Variants in OTUD3 observed in about 807,000 individuals in gnomAD.
OTUD3 encodes the protein OTU domain-containing protein 3.
OTUD3 carries 24 observed loss-of-function variants against 46.2 expected under a neutral mutation model. That is an observed-to-expected ratio of 0.52 (90% CI 0.38 to 0.73). The LOEUF is 0.73. OTUD3 is among the 30% of genes least tolerant of loss of function. The pLI, the probability that OTUD3 is intolerant of heterozygous loss-of-function variation, is 0.00. For missense variants in OTUD3, 455 were observed against 523.3 expected (o/e 0.87, Z 1.27); for synonymous variants, 189 against 195.4 (o/e 0.97, Z 0.27).
In OTUD3 at chr1:19,911,385, TAAA is replaced by T. The variant is rs1424121193; in HGVS notation, c.*3640_*3642del. Reference sequence around the variant, plus strand: ...AAGTTATGTTTTCCTGGCTCTAAAGTAAATTTTTTTTTTTTTTTTTTTGAGACA... The same window carrying T: ...AAGTTATGTTTTCCTGGCTCTAAAGTTTTTTTTTTTTTTTTTTTTGAGACA... On this transcript the variant is annotated 3_prime_UTR_variant, in exon 8 of 8. Transcript: ENST00000375120. The T allele has an allele frequency of 7.3e-6, 1 of 137,110 alleles. No individual in the cohort carries two copies. The highest frequency in any genetic ancestry group is 1.6e-5 in the Non-Finnish European group (1 of 64,154). 8.5% of individuals were successfully genotyped at this position (137,110 alleles called of 1,614,324 possible).
chr1:19,909,915 A>G lies in OTUD3; in HGVS notation c.*2169A>G, dbSNP rs1321359218. 1 of 152,342 alleles carries G rather than the reference A, an allele frequency of 6.6e-6. No homozygotes were observed. The highest frequency in any genetic ancestry group is 2.4e-5 in the African/African-American group (1 of 41,454). 9.4% of individuals were successfully genotyped at this position (152,342 alleles called of 1,614,324 possible). A position where few individuals can be genotyped will look rare whatever the true frequency, so the allele number is the denominator to read the frequency against. ...AAAAACTAATCAAACGGCTTTAGTA[A>G]TTTTACTACTGGTTTCACAGCTTTT... On this transcript the variant is annotated 3_prime_UTR_variant, in exon 8 of 8. Coordinates refer to ENST00000375120, the MANE Select transcript of OTUD3 (RefSeq NM_015207.2).
At chr1:19,899,469 C>T (rs997117614) in intron 4 of OTUD3, among the ~76,000 whole-genome samples, 3 of 152,202 alleles carry the variant, frequency 2.0e-5, no homozygotes, top group Non-Finnish European at 4.4e-5. Flanking sequence ...TTTTTAAAGG[C>T]TGCGTAGTGT....
chr1:19,891,811 G>A (rs1401942792), intron 2 of OTUD3, among the ~76,000 whole-genome samples: 2 of 152,188 alleles, frequency 1.3e-5, no homozygotes, highest in East Asian at 3.8e-4. Context: ...CTTCCAATGG[G>A]TGGTTTGTAC....
chr1:19,882,572 C>T lies in OTUD3; in HGVS notation c.59C>T (p.Ala20Val). 1 of 1,392,298 alleles carries T rather than the reference C, an allele frequency of 7.2e-7. No homozygotes were observed. The allele number at this position is 1,392,298 out of a possible 1,614,324, so 86.2% of individuals were successfully genotyped here. A position where few individuals can be genotyped will look rare whatever the true frequency, so the allele number is the denominator to read the frequency against. The change falls in exon 1 of 8, where the codon GCC becomes GTC. Residue 20 changes from alanine to valine, a missense_variant. Physicochemically the swap from Ala to Val is moderately conservative, Grantham distance 64 (BLOSUM62 0). Transcript: ENST00000375120. ...GGCAGCGGCAGCCGGAAAGCCGAGG[C>T]CGAGCGCAAGCGGGACGAGCGGGCG... Reference protein sequence around the residue: ...RPGSGSRKAEAERKRDERAAR... With the variant: ...RPGSGSRKAEVERKRDERAAR...
Position 19,912,092 on chromosome 1 carries a change from A to G in OTUD3, c.*4346A>G, listed in dbSNP as rs2045740558. ...CCAGTGTAAAGAATCTATTTCTGTA[A>G]AACTACGAACTTTTGCATAGGGAAT... On this transcript the variant is annotated 3_prime_UTR_variant, in exon 8 of 8. Coordinates refer to ENST00000375120, the MANE Select transcript of OTUD3 (RefSeq NM_015207.2). The G allele has an allele frequency of 6.6e-6, 1 of 152,364 alleles. No individual in the cohort carries two copies. The highest frequency in any genetic ancestry group is 6.5e-5 in the Admixed American group (1 of 15,284). The allele number at this position is 152,364 out of a possible 1,614,324, so 9.4% of individuals were successfully genotyped here.
chr1:19,897,194 C>T (rs1212313770), intron 3 of OTUD3, among the ~76,000 whole-genome samples: 1 of 152,116 alleles, frequency 6.6e-6, no homozygotes, highest in Non-Finnish European at 1.5e-5. Flanking sequence ...TCTGGATCTG[C>T]CCCTGGGCCT....
intron 4 of OTUD3, among the ~76,000 whole-genome samples, chr1:19,901,441 TTGTC>T (rs1362872377): frequency 6.6e-6 from 1 of 152,186 alleles, no homozygotes; most frequent in Admixed American, 6.5e-5. Context: ...TGGTTATCAT[TTGTC>T]TGTGAGAGCT....
At chr1:19,906,368 A>G in intron 6 of OTUD3, 64 bp from the exon 7 acceptor site, 1 of 1,469,690 alleles carries the variant, frequency 6.8e-7, no homozygotes. Context: ...GGAATCATTA[A>G]TACAGTCATC....
chr1:19,897,603 TACGACAGTGTTCGGAGGATCAATGA>T lies in OTUD3; in HGVS notation c.548_572del (p.Tyr183SerfsTer38), dbSNP rs2045534339. 1 of 1,614,060 alleles carries T rather than the reference TACGACAGTGTTCGGAGGATCAATGA, an allele frequency of 6.2e-7. No homozygotes were observed. Among genetic ancestry groups the T allele is most frequent in the Admixed American group, 1.7e-5 (1 of 60,022 alleles). ...CATCGCATATCGGTATGGAGAGCACTACGACAGTGTTCGGAGGATCAATGACAACTCAGAGGCACCTGCACATCTC... is the reference window on the plus strand; with the variant it reads ...CATCGCATATCGGTATGGAGAGCACTCAACTCAGAGGCACCTGCACATCTC... On this transcript the variant is annotated frameshift_variant, in exon 4 of 8. Transcript: ENST00000375120. LOFTEE classifies it high-confidence loss of function.
intron 1 of OTUD3, among the ~76,000 whole-genome samples, chr1:19,883,305 A>T (rs1324912238): frequency 6.6e-6 from 1 of 152,114 alleles, no homozygotes; most frequent in Non-Finnish European, 1.5e-5. Flanking sequence ...GTGCTTCCCC[A>T]AGCTTTCTTG....
At chr1:19,883,814 G>T (rs1339317387) in intron 1 of OTUD3, among the ~76,000 whole-genome samples, 1 of 152,136 alleles carries the variant, frequency 6.6e-6, no homozygotes, top group Non-Finnish European at 1.5e-5. Flanking sequence ...GCAGAATAAG[G>T]TGTTTTAAAA....
chr1:19,891,821 C>G (rs897748219), intron 2 of OTUD3, among the ~76,000 whole-genome samples: 1 of 152,162 alleles, frequency 6.6e-6, no homozygotes, highest in African/African-American at 2.4e-5. Flanking sequence ...GTGGTTTGTA[C>G]CAATCACTGA....
At position 19,908,249 on chromosome 1, in the gene OTUD3, TTC is replaced by T. The variant is rs1321487157; in HGVS notation, c.*505_*506del. 1 of 152,450 alleles carries T rather than the reference TTC, an allele frequency of 6.6e-6. No individual in the cohort carries two copies. 9.4% of individuals were successfully genotyped at this position (152,450 alleles called of 1,614,324 possible). ...AACTCAGGAATATGCTTTGATTTACTTCTAATCCAAGTTACTCAGAAAATAAT... is the reference window on the plus strand; with the variant it reads ...AACTCAGGAATATGCTTTGATTTACTTAATCCAAGTTACTCAGAAAATAAT... On this transcript the variant is annotated 3_prime_UTR_variant, in exon 8 of 8. Transcript: ENST00000375120.
Position 19,908,573 on chromosome 1 carries a change from T to G in OTUD3, c.*827T>G, listed in dbSNP as rs2045694508. The G allele has an allele frequency of 6.6e-6, 1 of 152,188 alleles. No homozygotes were observed. Among genetic ancestry groups the G allele is most frequent in the Admixed American group, 6.6e-5 (1 of 15,266 alleles). The allele number at this position is 152,188 out of a possible 1,614,324, so 9.4% of individuals were successfully genotyped here. A position where few individuals can be genotyped will look rare whatever the true frequency, so the allele number is the denominator to read the frequency against. ...CTGATAGTGTGTAGAGCAGGGTCTA[T>G]AGTTGTAACAGGAGACGAACTCCTG... On this transcript the variant is annotated 3_prime_UTR_variant, in exon 8 of 8. Coordinates refer to ENST00000375120, the MANE Select transcript of OTUD3 (RefSeq NM_015207.2).
Position 19,904,253 on chromosome 1 carries a change from C to A in OTUD3, c.607-14C>A, listed in dbSNP as rs769669200. 7 of 1,579,860 alleles carry A rather than the reference C, an allele frequency of 4.4e-6. No homozygotes were observed. Among genetic ancestry groups the A allele is most frequent in the Non-Finnish European group, 6.0e-6 (7 of 1,163,714 alleles). ...TCTCAACATAGTTCCCTGATTATTA[C>A]TTGTTTCCTTTAGTTTCAGATGCTT... On this transcript the variant is annotated splice_polypyrimidine_tract_variant and intron_variant, in intron 4 of 7. Transcript: ENST00000375120.
intron 1 of OTUD3, 79 bp from the exon 2 acceptor site, chr1:19,890,306 A>G: frequency 3.0e-6 from 4 of 1,355,836 alleles, no homozygotes; most frequent in Non-Finnish European, 4.2e-6. Context: ...TCCATGGATG[A>G]TCTGGCATGA....
At chr1:19,900,904 G>GTTTTTTTTTTTT (rs1313225968) in intron 4 of OTUD3, among the ~76,000 whole-genome samples, 1 of 129,950 alleles carries the variant, frequency 7.7e-6, no homozygotes, top group African/African-American at 2.9e-5. Flanking sequence ...TCCTATTGAG[G>GTTTTTTTTTTTT]TTTTTTTTTT....
chr1:19,897,908 AT>A (rs2045538275), intron 4 of OTUD3: 1 of 273,524 alleles, frequency 3.7e-6, no homozygotes, highest in Admixed American at 5.3e-5. Flanking sequence ...GATACATGGA[AT>A]TTTAAAATTA....
At position 19,911,302 on chromosome 1, in the gene OTUD3, C is replaced by G. The variant is rs980875436; in HGVS notation, c.*3556C>G. On this transcript the variant is annotated 3_prime_UTR_variant, in exon 8 of 8. Transcript: ENST00000375120. ...TTCACAGCTTTCAGAACAAGTGTTG[C>G]TAAAACTCCGGGGCCTTTGACAGTT... The G allele has an allele frequency of 1.3e-5, 2 of 152,164 alleles. No individual in the cohort carries two copies. Among genetic ancestry groups the G allele is most frequent in the African/African-American group, 4.8e-5 (2 of 41,344 alleles). 9.4% of individuals were successfully genotyped at this position (152,164 alleles called of 1,614,324 possible). A position where few individuals can be genotyped will look rare whatever the true frequency, so the allele number is the denominator to read the frequency against.
Sources: allele counts gnomAD v4.1 joint callset (sites outside exome capture counted in the v4.1 genomes callset), GRCh38; gene constraint gnomAD v4.1.1; transcripts MANE v1.5; gene names NCBI Gene and HGNC (gene_info 2026-07-23, HGNC 2026-07-21).